GREB1L: variants seen among roughly 807,000 people sequenced by gnomAD.
GREB1L encodes GREB1 like retinoic acid receptor coactivator.
A neutral mutation model predicts 200.8 loss-of-function variants in GREB1L; 17 were observed. That is an observed-to-expected ratio of 0.08 (90% CI 0.06 to 0.13). GREB1L has a LOEUF of 0.13. Ranked by LOEUF, GREB1L falls within the 10% of genes least tolerant of loss-of-function variation. GREB1L has a pLI of 1.00. For synonymous variants in GREB1L, 789 were observed against 893.0 expected (o/e 0.88, Z 2.08); for missense variants, 1,657 against 2,367.7 (o/e 0.70, Z 6.23).
At chr18:21,297,358 G>A (rs1374627959) in intron 1 of GREB1L, among the ~76,000 whole-genome samples, 8 of 152,062 alleles carry the variant, frequency 5.3e-5, no homozygotes, top group African/African-American at 1.4e-4. Context: ...ACTTCTTGTC[G>A]GCAAGAAGTC....
At chr18:21,281,539 T>C (rs1351337480) in intron 1 of GREB1L, among the ~76,000 whole-genome samples, 2 of 152,244 alleles carry the variant, frequency 1.3e-5, no homozygotes, top group South Asian at 2.1e-4. Context: ...TTAAAAACTC[T>C]ATAGGTAATA....
chr18:21,500,019 C>A lies in GREB1L; in HGVS notation c.3682C>A (p.Leu1228Met). Residue 1228 changes from leucine (L) to methionine (M), a missense_variant, in exon 22 of 33, where the codon CTG (leucine) becomes ATG (methionine). Leu to Met is a conservative substitution (Grantham distance 15). This residue lies in a region of GREB1L where 512 missense variants were observed against 668.3 expected (regional missense o/e 0.77). Transcript: ENST00000424526. ...IRGCRGPQAA[L>M]PPVVILSKAA... ...AGGCTGCCGGGGCCCACAGGCAGCC[C>A]TGCCACCAGTGGTGATCCTATCCAA... 1 of 1,551,524 alleles carries A rather than the reference C, an allele frequency of 6.4e-7. No homozygotes were observed. The highest frequency in any genetic ancestry group is 8.7e-7 in the Non-Finnish European group (1 of 1,146,990).
chr18:21,329,615 A>G (rs1438704729), intron 1 of GREB1L, among the ~76,000 whole-genome samples: 1 of 152,146 alleles, frequency 6.6e-6, no homozygotes, highest in East Asian at 1.9e-4. Context: ...GGCTTTGAGC[A>G]GCATTAGTAG....
At chr18:21,505,130 CT>C (rs2036960967) in intron 23 of GREB1L, among the ~76,000 whole-genome samples, 1 of 152,168 alleles carries the variant, frequency 6.6e-6, no homozygotes, top group Non-Finnish European at 1.5e-5. Context: ...CAAAATTAAA[CT>C]TTTAAGGAAA....
At chr18:21,266,092 C>T (rs1355117704) in intron 1 of GREB1L, among the ~76,000 whole-genome samples, 1 of 152,190 alleles carries the variant, frequency 6.6e-6, no homozygotes, top group Non-Finnish European at 1.5e-5. Flanking sequence ...TATCTTTTCT[C>T]ATCTCTACCT....
intron 1 of GREB1L, among the ~76,000 whole-genome samples, chr18:21,339,211 T>G (rs1236599445): frequency 6.6e-6 from 1 of 152,080 alleles, no homozygotes; most frequent in Non-Finnish European, 1.5e-5. Context: ...ATTATCTTAT[T>G]AGAAAAGTTG....
chr18:21,519,848 C>G (rs2037550365), intron 31 of GREB1L, among the ~76,000 whole-genome samples: 1 of 152,112 alleles, frequency 6.6e-6, no homozygotes, highest in Non-Finnish European at 1.5e-5. Context: ...ATCTTACTTA[C>G]TTCTCCGTAA....
At chr18:21,428,291 G>A (rs1345541863) in intron 7 of GREB1L, among the ~76,000 whole-genome samples, 5 of 146,102 alleles carry the variant, frequency 3.4e-5, no homozygotes, top group Admixed American at 6.8e-5. Flanking sequence ...TGGTAGTAGT[G>A]GGTTTTTTGT....
Position 21,500,203 on chromosome 18 carries a change from C to T in GREB1L, c.3866C>T (p.Thr1289Ile), listed in dbSNP as rs757819932. Residue 1289 changes from threonine (T) to isoleucine (I), a missense_variant, in exon 22 of 33, where the codon ACC (threonine) becomes ATC (isoleucine). Physicochemically the swap from Thr to Ile is moderately conservative, Grantham distance 89. Around this residue, in one of 9 missense-constraint regions of GREB1L, gnomAD observed 512 missense variants for 668.3 expected, o/e 0.77. Coordinates refer to ENST00000424526, the MANE Select transcript of GREB1L (RefSeq NM_001142966.3). The part of the protein sequence containing the change: ...EEQSLYYRQW[T>I]LARQHHADYS... ...CAGTCCCTCTACTACAGGCAGTGGA[C>T]CTTGGCCCGGCAGCACCACGCTGAC... The T allele has an allele frequency of 1.3e-6, 2 of 1,547,412 alleles. No individual in the cohort carries two copies. Among genetic ancestry groups the T allele is most frequent in the African/African-American group, 1.4e-5 (1 of 73,028 alleles).
intron 1 of GREB1L, among the ~76,000 whole-genome samples, chr18:21,295,623 C>G (rs972722055): frequency 6.6e-6 from 1 of 152,140 alleles, no homozygotes; most frequent in Non-Finnish European, 1.5e-5. Flanking sequence ...TTGTACCTGC[C>G]AGGCCTTGAG....
intron 15 of GREB1L, among the ~76,000 whole-genome samples, chr18:21,460,155 T>C (rs959282949): frequency 1.3e-4 from 20 of 152,006 alleles, no homozygotes; most frequent in African/African-American, 4.8e-4. Flanking sequence ...TTTGTTTTGT[T>C]TTGTCTTGTT....
intron 17 of GREB1L, among the ~76,000 whole-genome samples, chr18:21,477,947 T>C (rs1043546916): frequency 1.3e-5 from 2 of 152,214 alleles, no homozygotes; most frequent in African/African-American, 4.8e-5. Flanking sequence ...CTGTCGTATA[T>C]AATTTTTCAA....
chr18:21,287,163 TTTTG>T (rs1055641732), intron 1 of GREB1L, among the ~76,000 whole-genome samples: 40 of 152,180 alleles, frequency 2.6e-4, no homozygotes, highest in African/African-American at 8.7e-4. Flanking sequence ...TGCCTGAGTT[TTTTG>T]TTTGTTTCGA....
At chr18:21,353,083 G>A (rs2039456987) in intron 1 of GREB1L, among the ~76,000 whole-genome samples, 1 of 151,868 alleles carries the variant, frequency 6.6e-6, no homozygotes, top group South Asian at 2.1e-4. Flanking sequence ...TCAGGAGGCT[G>A]AGGCAAGAGA....
intron 1 of GREB1L, among the ~76,000 whole-genome samples, chr18:21,293,983 T>C (rs954731542): frequency 2.6e-5 from 4 of 152,116 alleles, no homozygotes; most frequent in African/African-American, 7.2e-5. Context: ...GGTTTTGCCA[T>C]GTTGGCTAGG....
chr18:21,501,972 C>CGGCACT (rs1286084181), intron 23 of GREB1L, among the ~76,000 whole-genome samples: 2 of 152,112 alleles, frequency 1.3e-5, no homozygotes, highest in Non-Finnish European at 2.9e-5. Context: ...TGGCTCGGCT[C>CGGCACT]GGCACTGGCA....
At chr18:21,437,939 C>T (rs2033651602) in intron 7 of GREB1L, among the ~76,000 whole-genome samples, 2 of 152,140 alleles carry the variant, frequency 1.3e-5, no homozygotes, top group Admixed American at 6.5e-5. Flanking sequence ...TGCGGTGGCT[C>T]ATGCCATCAA....
chr18:21,284,864 A>G (rs2038328879), intron 1 of GREB1L, among the ~76,000 whole-genome samples: 2 of 151,994 alleles, frequency 1.3e-5, no homozygotes, highest in African/African-American at 4.8e-5. Context: ...TTTTTCTTTT[A>G]GCCATCCCAG....
At chr18:21,293,486 A>G (rs940603469) in intron 1 of GREB1L, among the ~76,000 whole-genome samples, 8 of 152,262 alleles carry the variant, frequency 5.3e-5, no homozygotes, top group Admixed American at 3.9e-4. Flanking sequence ...TTACCAGAAG[A>G]AGGCAAGGAG....
Sources: allele counts gnomAD v4.1 joint callset (sites outside exome capture counted in the v4.1 genomes callset), GRCh38; gene constraint gnomAD v4.1.1; regional missense constraint gnomAD v4.1.1; transcripts MANE v1.5; gene names NCBI Gene and HGNC (gene_info 2026-07-23, HGNC 2026-07-21).